Variants in COX19 observed in about 807,000 individuals in gnomAD.
COX19 encodes cytochrome c oxidase assembly protein COX19.
In COX19, 8 loss-of-function variants were observed where a neutral mutation model predicts 6.8. The ratio of observed to expected loss-of-function variants is 1.18; its 90% CI spans 0.69 to 2.12. COX19 has a LOEUF of 2.12. Ranked by LOEUF, COX19 falls within the 30% of genes most tolerant of loss-of-function variation. The pLI is 0.00. For synonymous variants in COX19, 51 were observed against 38.0 expected (o/e 1.34, Z -1.26); for missense variants, 131 against 104.6 (o/e 1.25, Z -1.10).
chr7:973,431 C>T (rs1583204212), intron 1 of COX19, 139 bp from the exon 2 acceptor site: 1 of 1,157,486 alleles, frequency 8.6e-7, no homozygotes, highest in Non-Finnish European at 1.1e-6. Context: ...CCTGTAATCC[C>T]AGCACTCTGA....
rs1430722815 is a variant in COX19 at position 975,495 on chromosome 7, C to G, written c.15G>C (p.Met5Ile). 6.2e-7 allele frequency: 1 copy of G among 1,603,346 alleles called. No homozygotes were observed. Among genetic ancestry groups the G allele is most frequent in the Non-Finnish European group, 8.5e-7 (1 of 1,176,354 alleles). The stretch of plus-strand genomic sequence containing the variant: ...GCTGGAAGCTCTTGGTCCCGAAATT[C>G]ATGGCGGTCGACATGTTGGCGACTC... Reference protein sequence around the residue: MSTAMNFGTKSFQPR... With the variant: MSTAINFGTKSFQPR... The change falls in exon 1 of 3, where the codon ATG becomes ATC. Residue 5 changes from methionine to isoleucine, a missense_variant. Met to Ile is a conservative substitution (Grantham distance 10, BLOSUM62 1). Coordinates refer to ENST00000344111, the MANE Select transcript of COX19 (RefSeq NM_001031617.3).
rs535910110 is a variant in COX19 at position 967,871 on chromosome 7, G to A, written c.*1507C>T. The stretch of plus-strand genomic sequence containing the variant: ...CACTGCGTTGGCGAGCTCATGGCAC[G>A]TGGCCACACCGCGTCAGCGCCGACT... On this transcript the variant is annotated 3_prime_UTR_variant, in exon 3 of 3. Transcript: ENST00000344111. The A allele has an allele frequency of 2.0e-5, 3 of 152,422 alleles. No individual in the cohort carries two copies. Among genetic ancestry groups the A allele is most frequent in the South Asian group, 2.1e-4 (1 of 4,832 alleles). The allele number at this position is 152,422 out of a possible 1,614,324, so 9.4% of individuals were successfully genotyped here. A position where few individuals can be genotyped will look rare whatever the true frequency, so the allele number is the denominator to read the frequency against.
rs996411869 is a variant in COX19 at position 965,628 on chromosome 7, G to A, written c.*3750C>T. On this transcript the variant is annotated 3_prime_UTR_variant, in exon 3 of 3. Transcript: ENST00000344111. ...AGCAGACACCTGCTTCACACCACAC[G>A]TCACCACTCACTTCATGGCAACTGA... Among the ~76,000 whole-genome samples, 20 of 152,180 alleles carry A rather than the reference G, an allele frequency of 1.3e-4. No individual in the cohort carries two copies. The highest frequency in any genetic ancestry group is 4.3e-4 in the African/African-American group (18 of 41,440).
rs1430213050 is a variant in COX19, at chr7:966,704, C to T, written c.*2674G>A. ...TTTGTGCACAGCCCCTCACAACAGT[C>T]CCCCTTACACACGGTTTCAGTTACC... On this transcript the variant is annotated 3_prime_UTR_variant, in exon 3 of 3. Coordinates refer to ENST00000344111, the MANE Select transcript of COX19 (RefSeq NM_001031617.3). 1.3e-5 allele frequency: 2 copies of T among 152,282 alleles called. No individual in the cohort carries two copies. Among genetic ancestry groups the T allele is most frequent in the East Asian group, 3.8e-4 (2 of 5,206 alleles). 9.4% of individuals were successfully genotyped at this position (152,282 alleles called of 1,614,324 possible). A position where few individuals can be genotyped will look rare whatever the true frequency, so the allele number is the denominator to read the frequency against.
intron 2 of COX19, among the ~76,000 whole-genome samples, chr7:970,439 ATTTT>A (rs1171573366): frequency 1.6e-5 from 2 of 121,224 alleles, no homozygotes; most frequent in Non-Finnish European, 3.4e-5. Flanking sequence ...CGGCCAGCTA[ATTTT>A]TTTTTTTTTT....
chr7:969,956 A>ATTTT (rs58481554), intron 2 of COX19, among the ~76,000 whole-genome samples: 3 of 117,540 alleles, frequency 2.6e-5, no homozygotes, highest in African/African-American at 1.0e-4. Flanking sequence ...GTTATCTGAT[A>ATTTT]TTTTTTTTTT....
chr7:972,605 T>C (rs1243718174), intron 2 of COX19: 1 of 152,148 alleles, frequency 6.6e-6, no homozygotes, highest in African/African-American at 2.4e-5. Flanking sequence ...GCATAAGGGA[T>C]TAGAATAGCT....
At chr7:974,551 G>T (rs965314713) in intron 1 of COX19, among the ~76,000 whole-genome samples, 3 of 152,182 alleles carry the variant, frequency 2.0e-5, no homozygotes, top group Non-Finnish European at 4.4e-5. Context: ...TGTAGGTGAT[G>T]GTCACAGGAG....
chr7:975,027 G>T (rs1293643033), intron 1 of COX19: 2 of 172,582 alleles, frequency 1.2e-5, no homozygotes, highest in Admixed American at 1.3e-4. Context: ...GAAGCACTGG[G>T]AGATCAGCAG....
rs1385050982 is a variant in COX19, at chr7:966,275, T to G, written c.*3103A>C. Reference sequence around the variant, plus strand: ...CTCAAGTGATCCTCCTGCCTCAGCTTCCTGAGTATCTGGGACTACAGGCGG... The same window carrying G: ...CTCAAGTGATCCTCCTGCCTCAGCTGCCTGAGTATCTGGGACTACAGGCGG... On this transcript the variant is annotated 3_prime_UTR_variant, in exon 3 of 3. Coordinates refer to ENST00000344111, the MANE Select transcript of COX19 (RefSeq NM_001031617.3). 2 of 152,096 alleles carry G rather than the reference T, an allele frequency of 1.3e-5. No individual in the cohort carries two copies. The highest frequency in any genetic ancestry group is 2.9e-5 in the Non-Finnish European group (2 of 68,050). 9.4% of individuals were successfully genotyped at this position (152,096 alleles called of 1,614,324 possible).
Position 965,280 on chromosome 7 carries a change from G to A in COX19, c.*4098C>T, listed in dbSNP as rs1438860145. 6.6e-6 allele frequency among the ~76,000 whole-genome samples: 1 copy of A among 152,012 alleles called. No homozygotes were observed. The highest frequency in any genetic ancestry group is 1.5e-5 in the Non-Finnish European group (1 of 67,988). ...CAAAATAATTTCAGACTTCCAAAAA[G>A]TTCCAAAAATAGGACAGTGTGTATA... On this transcript the variant is annotated 3_prime_UTR_variant, in exon 3 of 3. Coordinates refer to ENST00000344111, the MANE Select transcript of COX19 (RefSeq NM_001031617.3).
At chr7:970,779 T>C (rs1302360517) in intron 2 of COX19, among the ~76,000 whole-genome samples, 2 of 152,124 alleles carry the variant, frequency 1.3e-5, no homozygotes, top group Non-Finnish European at 2.9e-5. Flanking sequence ...GGTTTCACTA[T>C]GTTGCCCAGG....
At chr7:970,439 ATTT>A (rs1171573366) in intron 2 of COX19, among the ~76,000 whole-genome samples, 1 of 121,234 alleles carries the variant, frequency 8.2e-6, no homozygotes. Flanking sequence ...CGGCCAGCTA[ATTT>A]TTTTTTTTTT....
chr7:974,086 A>T (rs910748131), intron 1 of COX19, among the ~76,000 whole-genome samples: 2 of 151,174 alleles, frequency 1.3e-5, no homozygotes, highest in Non-Finnish European at 2.9e-5. Flanking sequence ...AGTCCCAGCT[A>T]CTCTAGAGGC....
chr7:966,034 C>T lies in COX19; in HGVS notation c.*3344G>A, dbSNP rs1847548133. The T allele has an allele frequency of 6.6e-6, 1 of 152,270 alleles. No homozygotes were observed. Among genetic ancestry groups the T allele is most frequent in the African/African-American group, 2.4e-5 (1 of 41,454 alleles). The allele number at this position is 152,270 out of a possible 1,614,324, so 9.4% of individuals were successfully genotyped here. On this transcript the variant is annotated 3_prime_UTR_variant, in exon 3 of 3. Coordinates refer to ENST00000344111, the MANE Select transcript of COX19 (RefSeq NM_001031617.3). ...TTCTTCTATATTAGAATTAATAAGA[C>T]AGACCTGGCCCTCCCCCCACTGACA...
intron 1 of COX19, among the ~76,000 whole-genome samples, chr7:974,261 A>G (rs1847673253): frequency 6.6e-6 from 1 of 151,452 alleles, no homozygotes; most frequent in South Asian, 2.1e-4. Flanking sequence ...AAAAAAAAAA[A>G]AAAAAAAAAA....
rs1847587975 is a variant in COX19 at position 968,270 on chromosome 7, T to G, written c.*1108A>C. The G allele has an allele frequency of 6.6e-6, 1 of 152,246 alleles. No individual in the cohort carries two copies. The highest frequency in any genetic ancestry group is 6.5e-5 in the Admixed American group (1 of 15,286). 9.4% of individuals were successfully genotyped at this position (152,246 alleles called of 1,614,324 possible). A position where few individuals can be genotyped will look rare whatever the true frequency, so the allele number is the denominator to read the frequency against. ...AGAACTGGAGATGGGCTGAGAAGCC[T>G]CAGCCACCCACAGGCAGAGGGACGA... On this transcript the variant is annotated 3_prime_UTR_variant, in exon 3 of 3. Transcript: ENST00000344111.
chr7:972,467 C>G (rs10499317), intron 2 of COX19, among the ~76,000 whole-genome samples: 31,931 of 152,164 alleles, frequency 0.21, 3,895 homozygotes, highest in East Asian at 0.29. Context: ...GGCGAATTGT[C>G]AACCTGTCTT....
rs1180942617 is a variant in COX19 at position 969,396 on chromosome 7, T to C, written c.255A>G (p.Lys85=). ...KLGFGDLTSG[K]SEAKK ...TCAAAATTCATTTTTTTGCCTCTGA[T>C]TTTCCACTAGTCAAGTCTCCAAATC... Residue 85 remains lysine (K), a synonymous_variant, in exon 3 of 3, where the codon AAA becomes AAG. Transcript: ENST00000344111. 6.2e-7 allele frequency: 1 copy of C among 1,609,866 alleles called. No homozygotes were observed. The highest frequency in any genetic ancestry group is 1.1e-5 in the South Asian group (1 of 90,980).
Sources: gnomAD v4.1 joint callset for allele counts (sites outside exome capture counted in the v4.1 genomes callset) on GRCh38, gnomAD v4.1.1 for gene constraint, MANE v1.5 for transcripts, NCBI Gene and HGNC (gene_info 2026-07-23, HGNC 2026-07-21) for gene names.